Variants in KCNAB2 observed in about 807,000 individuals in gnomAD.
KCNAB2 encodes voltage-gated potassium channel subunit beta-2.
KCNAB2 carries 29 observed loss-of-function variants against 63.6 expected under a neutral mutation model. The ratio of observed to expected loss-of-function variants is 0.46; its 90% CI spans 0.34 to 0.62. The LOEUF (loss-of-function observed/expected upper bound fraction) is 0.62, where lower values mean the gene tolerates loss of function less well. KCNAB2 is among the 20% of genes least tolerant of loss of function. The pLI is 0.01. For synonymous variants in KCNAB2, 222 were observed against 224.2 expected, an observed-to-expected ratio of 0.99 and a Z score of 0.09; for missense variants, 359 against 563.9, an observed-to-expected ratio of 0.64 and a Z score of 3.68.
intron 1 of KCNAB2, among the ~76,000 whole-genome samples, chr1:5,999,891 T>C (rs1268251448): frequency 6.7e-6 from 1 of 150,262 alleles, no homozygotes; most frequent in Non-Finnish European, 1.5e-5. Context: ...CTCCGCACCC[T>C]GTCTGTGTCG....
chr1:6,095,988 G>A, intron 13 of KCNAB2: 1 of 431,142 alleles, frequency 2.3e-6, no homozygotes, highest in Non-Finnish European at 4.7e-6. Flanking sequence ...CGAGATGGGG[G>A]CTGCAAAGCC....
chr1:6,044,090 G>A (rs114574442), upstream of KCNAB2, among the ~76,000 whole-genome samples: 293 of 152,318 alleles, frequency 1.9e-3, no homozygotes, highest in African/African-American at 6.8e-3. Context: ...TGGGGTCAGA[G>A]CGCTGTCACC....
upstream of KCNAB2, among the ~76,000 whole-genome samples, chr1:6,030,237 G>A (rs1473047960): frequency 6.6e-6 from 1 of 152,228 alleles, no homozygotes; most frequent in Admixed American, 6.5e-5. Flanking sequence ...TGGAGCAGCT[G>A]GTTCCATGTC....
rs537531827 is a variant in KCNAB2, at chr1:6,035,364, T to C, written c.-53+570T>C. Among the ~76,000 whole-genome samples, 275 of 152,224 alleles carry C rather than the reference T, an allele frequency of 1.8e-3. 1 individual carries two copies. The highest frequency in any genetic ancestry group is 3.4e-3 in the Non-Finnish European group (234 of 68,014). ...TGAAGCAGTGACATAATCTGACTTA[T>C]GTTCTGGGAGGATCACCCTGGCCGC... On this transcript the variant is annotated intron_variant, in intron 1 of 15. Coordinates refer to the KCNAB2 transcript ENST00000164247. The surrounding 1 kb of genome is among the most constrained non-coding windows in gnomAD (Gnocchi z 5.0).
chr1:6,096,832 G>T lies in KCNAB2; in HGVS notation c.1069+76G>T. ...AGCTGGCCGTAGGTAACAGGGTGGG[G>T]TTGCCATGGGGCCAGTGTCTCCGGG... On this transcript the variant is annotated intron_variant, in intron 14 of 15. Coordinates refer to ENST00000378083, the MANE Select transcript of KCNAB2 (RefSeq NM_001199862.2). This position sits in a 1 kb window ranked among gnomAD's most constrained non-coding sequence, Gnocchi z 5.9. 6.9e-7 allele frequency: 1 copy of T among 1,458,972 alleles called. No homozygotes were observed. The highest frequency in any genetic ancestry group is 9.1e-7 in the Non-Finnish European group (1 of 1,095,182). The allele number at this position is 1,458,972 out of a possible 1,614,324, so 90.4% of individuals were successfully genotyped here.
intron 1 of KCNAB2, among the ~76,000 whole-genome samples, chr1:6,000,186 C>A (rs1167086708): frequency 6.7e-6 from 1 of 150,190 alleles, no homozygotes. Context: ...CCCCGCACCC[C>A]CTAGAGGGTA....
intron 4 of KCNAB2, among the ~76,000 whole-genome samples, chr1:6,076,678 C>T (rs990550422): frequency 5.9e-5 from 9 of 152,194 alleles, no homozygotes; most frequent in African/African-American, 9.7e-5. Context: ...TCAACGCTTG[C>T]GGCCAGTGCT....
intron 2 of KCNAB2, among the ~76,000 whole-genome samples, chr1:6,064,959 T>C (rs1662617571): frequency 6.6e-6 from 1 of 152,136 alleles, no homozygotes; most frequent in African/African-American, 2.4e-5. Context: ...GTAACCTAAG[T>C]TTTACTGGGA....
At chr1:6,007,011 G>A (rs1023692212) in intron 1 of KCNAB2, among the ~76,000 whole-genome samples, 13 of 152,250 alleles carry the variant, frequency 8.5e-5, no homozygotes, top group Admixed American at 1.3e-4. Context: ...GCCCAGCAGC[G>A]GGCCCTGGCT....
rs1224977283 is a variant in KCNAB2, at chr1:6,087,994, A to G, written c.470+483A>G. Among the ~76,000 whole-genome samples, 1 of 152,180 alleles carries G rather than the reference A, an allele frequency of 6.6e-6. No homozygotes were observed. Among genetic ancestry groups the G allele is most frequent in the Non-Finnish European group, 1.5e-5 (1 of 68,036 alleles). The stretch of plus-strand genomic sequence containing the variant: ...GCTCCATAGTTTCTGGGCTGGACAC[A>G]CTTGGGCTCATAGGAATTATAACTA... On this transcript the variant is annotated intron_variant, in intron 7 of 15. Coordinates refer to ENST00000378083, the MANE Select transcript of KCNAB2 (RefSeq NM_001199862.2). The surrounding 1 kb of genome is among the most constrained non-coding windows in gnomAD (Gnocchi z 6.4).
At chr1:6,008,654 C>A (rs1424289419) in intron 1 of KCNAB2, among the ~76,000 whole-genome samples, 1 of 151,688 alleles carries the variant, frequency 6.6e-6, no homozygotes, top group African/African-American at 2.4e-5. Context: ...CTCAGGACAC[C>A]AACATGGGCT....
intron 1 of KCNAB2, among the ~76,000 whole-genome samples, chr1:6,011,441 GGT>G (rs1658142890): frequency 6.7e-6 from 1 of 150,220 alleles, no homozygotes; most frequent in Non-Finnish European, 1.5e-5. Flanking sequence ...CCCAGGGCCA[GGT>G]GTGTGGGAGA....
chr1:6,048,186 G>C (rs965206088), intron 1 of KCNAB2, among the ~76,000 whole-genome samples: 1 of 152,202 alleles, frequency 6.6e-6, no homozygotes, highest in African/African-American at 2.4e-5. Context: ...GGGAGATTTG[G>C]TGTCTGTGTG....
At chr1:6,004,335 G>A (rs1248557525) in intron 1 of KCNAB2, among the ~76,000 whole-genome samples, 2 of 151,896 alleles carry the variant, frequency 1.3e-5, no homozygotes, top group Non-Finnish European at 2.9e-5. Flanking sequence ...AGCTGGGACT[G>A]CAGATGGGCA....
chr1:6,004,354 C>T (rs758175213), intron 1 of KCNAB2, among the ~76,000 whole-genome samples: 18 of 152,052 alleles, frequency 1.2e-4, no homozygotes, highest in Non-Finnish European at 2.5e-4. Context: ...CATTGCTGCA[C>T]CCAGCTTGGT....
At chr1:6,013,757 G>T (rs1356184458) in intron 1 of KCNAB2, among the ~76,000 whole-genome samples, 1 of 151,976 alleles carries the variant, frequency 6.6e-6, no homozygotes. Context: ...GGTGGCCCCA[G>T]CTCACACCTG....
At chr1:6,085,707 G>A (rs1016875019) in intron 6 of KCNAB2, 2 of 446,372 alleles carry the variant, frequency 4.5e-6, no homozygotes, top group Middle Eastern at 1.1e-3. Flanking sequence ...TTGGGGGCCT[G>A]GGGTTGGATC....
intron 8 of KCNAB2, among the ~76,000 whole-genome samples, chr1:6,089,429 G>A (rs1168504850): frequency 6.6e-6 from 1 of 152,260 alleles, no homozygotes; most frequent in Non-Finnish European, 1.5e-5. Context: ...CCCAGGAGAA[G>A]GTGCCACACA....
intron 5 of KCNAB2, among the ~76,000 whole-genome samples, chr1:6,083,381 C>T (rs537559248): frequency 2.2e-4 from 33 of 152,296 alleles, no homozygotes; most frequent in Non-Finnish European, 3.7e-4. Context: ...TGGATGAGGC[C>T]GGGCACACCC....
Sources: allele counts gnomAD v4.1 joint callset (sites outside exome capture counted in the v4.1 genomes callset), GRCh38; gene constraint gnomAD v4.1.1; non-coding constraint Gnocchi (gnomAD v3.1); transcripts MANE v1.5; gene names NCBI Gene and HGNC (gene_info 2026-07-23, HGNC 2026-07-21).